The following POM121C variants were observed in gnomAD, a reference collection of about 807,000 sequenced individuals.
The protein encoded by POM121C is nuclear envelope pore membrane protein POM 121C.
Under a neutral mutation model 66.4 loss-of-function variants are expected in POM121C, and 20 were observed. That is an observed-to-expected ratio of 0.30 (90% CI 0.21 to 0.44). The LOEUF (loss-of-function observed/expected upper bound fraction) is 0.44. Ranked by LOEUF, POM121C falls within the 20% of genes least tolerant of loss-of-function variation. POM121C has a pLI of 1.00. For missense variants in POM121C, 580 were observed against 1,225.7 expected (o/e 0.47, Z 7.87); for synonymous variants, 286 against 528.0 (o/e 0.54, Z 6.28).
intron 1 of POM121C, among the ~76,000 whole-genome samples, chr7:75,477,852 G>A (rs587620873): frequency 4.6e-5 from 7 of 151,888 alleles, no homozygotes; most frequent in Non-Finnish European, 7.4e-5. Flanking sequence ...AACAAGTACT[G>A]GATATACCCT....
At position 75,479,629 on chromosome 7, in the gene POM121C, AAAT is replaced by A. The variant is rs1563161005; in HGVS notation, c.-457-4444_-457-4442del. 6.8e-5 allele frequency among the ~76,000 whole-genome samples: 10 copies of A among 147,026 alleles called. No individual in the cohort carries two copies. In the East Asian group the frequency reaches 1.9e-3, roughly 29 times the overall value. On this transcript the variant is annotated intron_variant, in intron 1 of 14. Transcript: ENST00000615331. ...AGACTCTGTCTCTAAATAAATAAATAAATAAATAAATAAATAAATAAATACAGT... is the reference window on the plus strand; with the variant it reads ...AGACTCTGTCTCTAAATAAATAAATAAAATAAATAAATAAATAAATACAGT...
chr7:75,452,992 G>A (rs1791075687), intron 3 of POM121C, among the ~76,000 whole-genome samples: 2 of 152,172 alleles, frequency 1.3e-5, no homozygotes, highest in African/African-American at 4.8e-5. Flanking sequence ...GCAGGCCAGA[G>A]ACAACTCTGG....
chr7:75,469,285 A>G (rs1554478295), intron 3 of POM121C, among the ~76,000 whole-genome samples: 1 of 152,028 alleles, frequency 6.6e-6, no homozygotes, highest in Non-Finnish European at 1.5e-5. Flanking sequence ...TTTTTTAGAG[A>G]CAGGGTCTTG....
chr7:75,442,094 T>A (rs1226912291), intron 3 of POM121C: 6 of 1,369,842 alleles, frequency 4.4e-6, no homozygotes, highest in Non-Finnish European at 1.9e-6. Context: ...AAGTCCTCGA[T>A]TTCAAGCCAG....
Position 75,419,355 on chromosome 7 carries a change from G to A in POM121C, c.2831C>T (p.Ala944Val). 1 of 1,613,766 alleles carries A rather than the reference G, an allele frequency of 6.2e-7. No homozygotes were observed. The highest frequency in any genetic ancestry group is 8.5e-7 in the Non-Finnish European group (1 of 1,179,794). Residue 944 changes from alanine (A) to valine (V), a missense_variant, in exon 14 of 15, where the codon GCA becomes GTA. Transcript: ENST00000615331. The part of the protein sequence containing the change: ...GSSLSFGASS[A>V]PAQGFVGVGP... ...AACACCAACAAAGCCTTGGGCGGGT[G>A]CTGAAGATGCCCCAAAGGAGAGGCT...
At chr7:75,423,638 C>A (rs587643501) in intron 12 of POM121C, among the ~76,000 whole-genome samples, 2 of 152,094 alleles carry the variant, frequency 1.3e-5, no homozygotes, top group Admixed American at 6.5e-5. Context: ...CGCGCAGTGC[C>A]GTGAAGGCCT....
intron 3 of POM121C, among the ~76,000 whole-genome samples, chr7:75,449,677 A>C (rs28429315): frequency 0.076 from 11,507 of 151,874 alleles, 1,424 homozygotes; most frequent in African/African-American, 0.26. Context: ...ACAGTAGGGG[A>C]AAGAGCTGAG....
chr7:75,456,747 CA>C (rs1180124475), intron 3 of POM121C, among the ~76,000 whole-genome samples: 1 of 152,276 alleles, frequency 6.6e-6, no homozygotes, highest in African/African-American at 2.4e-5. Context: ...TAAAAGTTAT[CA>C]AGACAACAAT....
At chr7:75,434,388 C>A (rs1394662204) in intron 7 of POM121C, among the ~76,000 whole-genome samples, 1 of 151,664 alleles carries the variant, frequency 6.6e-6, no homozygotes, top group Non-Finnish European at 1.5e-5. Flanking sequence ...AGTTCTCCTG[C>A]CTCAGCCTCC....
intron 6 of POM121C, 55 bp downstream of exon 6, chr7:75,439,089 T>C (rs1330022414): frequency 6.3e-7 from 1 of 1,589,370 alleles, no homozygotes; most frequent in Non-Finnish European, 8.6e-7. Context: ...GCAACAGCTC[T>C]GATCAGGCCT....
chr7:75,480,517 C>T (rs1169043088), intron 1 of POM121C, among the ~76,000 whole-genome samples: 2 of 152,140 alleles, frequency 1.3e-5, no homozygotes, highest in Admixed American at 1.3e-4. Flanking sequence ...TCACTCCACC[C>T]AACCAGAGCA....
chr7:75,421,045 GCTCA>G, intron 13 of POM121C: 1 of 259,594 alleles, frequency 3.9e-6, no homozygotes, highest in Non-Finnish European at 7.5e-6. Flanking sequence ...CATGATCTTC[GCTCA>G]CTGCCACCTC....
At chr7:75,440,093 C>G (rs1264421360) in intron 5 of POM121C, among the ~76,000 whole-genome samples, 1 of 151,594 alleles carries the variant, frequency 6.6e-6, no homozygotes, top group Non-Finnish European at 1.5e-5. Flanking sequence ...GTTGGCCAGG[C>G]TGGTCTCGAA....
In POM121C at chr7:75,484,006, G is replaced by A. The variant is rs1362792903; in HGVS notation, c.-458+1858C>T. Reference sequence around the variant, plus strand: ...AATCCCTGCTACTCAGGAGGCTGAGGCAGGAGAATCACTTGAACCCAGGAG... The same window carrying A: ...AATCCCTGCTACTCAGGAGGCTGAGACAGGAGAATCACTTGAACCCAGGAG... On this transcript the variant is annotated intron_variant, in intron 1 of 14. Coordinates refer to ENST00000615331, the MANE Select transcript of POM121C (RefSeq NM_001099415.3). Among the ~76,000 whole-genome samples, 16 of 152,098 alleles carry A rather than the reference G, an allele frequency of 1.1e-4. No homozygotes were observed. The East Asian group carries it at 2.9e-3, about 28-fold the overall frequency.
At chr7:75,446,413 G>GACCTCAGGTGATCTGCCT (rs1790813528) in intron 3 of POM121C, among the ~76,000 whole-genome samples, 1 of 150,286 alleles carries the variant, frequency 6.7e-6, no homozygotes, top group African/African-American at 2.5e-5. Context: ...TCAAACTGCT[G>GACCTCAGGTGATCTGCCT]ACCTCAGGTG....
intron 6 of POM121C, 33 bp downstream of exon 6, chr7:75,439,110 AG>A (rs1554473441): frequency 1.2e-6 from 2 of 1,611,396 alleles, no homozygotes; most frequent in South Asian, 2.2e-5. Context: ...TTTTCCAAAC[AG>A]TTGGTATTTC....
intron 13 of POM121C, 55 bp from the exon 14 acceptor site, chr7:75,419,497 G>A: frequency 6.3e-7 from 1 of 1,597,344 alleles, no homozygotes; most frequent in Non-Finnish European, 8.5e-7. Flanking sequence ...AGGCAGGCGA[G>A]GAGCCGGGCA....
intron 7 of POM121C, among the ~76,000 whole-genome samples, chr7:75,435,226 G>C (rs1223173844): frequency 6.6e-6 from 1 of 152,184 alleles, no homozygotes; most frequent in Non-Finnish European, 1.5e-5. Context: ...CCAAAGATGA[G>C]TTTCTGTGTA....
chr7:75,429,892 G>T (rs1790099498), intron 7 of POM121C, among the ~76,000 whole-genome samples: 1 of 150,722 alleles, frequency 6.6e-6, no homozygotes, highest in Non-Finnish European at 1.5e-5. Context: ...ATGCATGCCT[G>T]TACTCAAAAG....
Sources: gnomAD v4.1 joint callset for allele counts (sites outside exome capture counted in the v4.1 genomes callset) on GRCh38, gnomAD v4.1.1 for gene constraint, MANE v1.5 for transcripts, NCBI Gene and HGNC (gene_info 2026-07-23, HGNC 2026-07-21) for gene names.